Variants in MAP3K5 observed in about 807,000 individuals in gnomAD.
The protein encoded by MAP3K5 is ASK-1.
Under a neutral mutation model 158.7 loss-of-function variants are expected in MAP3K5, and 56 were observed. The observed-to-expected ratio is 0.35, with a 90% CI of 0.28 to 0.44. The LOEUF (loss-of-function observed/expected upper bound fraction) is 0.44. Among genes scored for constraint, MAP3K5 ranks in the 20% least tolerant of loss-of-function variants. The probability of loss-of-function intolerance (pLI) is 1.00; values close to 1 mark genes in which losing one functional copy is unlikely to be tolerated. For missense variants in MAP3K5, 1,294 were observed against 1,674.8 expected, an observed-to-expected ratio of 0.77 and a Z score of 3.97; for synonymous variants, 579 against 601.7, an observed-to-expected ratio of 0.96 and a Z score of 0.55.
chr6:136,601,769 T>C, intron 20 of MAP3K5, 33 bp downstream of exon 20: 4 of 1,600,230 alleles, frequency 2.5e-6, no homozygotes, highest in Non-Finnish European at 3.4e-6. Context: ...ATTGAAGGAC[T>C]CAGACTATAT....
At chr6:136,674,598 A>G (rs1779625547) in intron 7 of MAP3K5, among the ~76,000 whole-genome samples, 1 of 152,082 alleles carries the variant, frequency 6.6e-6, no homozygotes, top group Non-Finnish European at 1.5e-5. Flanking sequence ...TTATTGATAT[A>G]GCCCCAACTA....
At chr6:136,757,595 T>TA (rs1562679345) in intron 1 of MAP3K5, among the ~76,000 whole-genome samples, 11 of 148,224 alleles carry the variant, frequency 7.4e-5, no homozygotes, top group African/African-American at 2.0e-4. Flanking sequence ...TATTTTTTTT[T>TA]TTTTTTTTTG....
intron 9 of MAP3K5, among the ~76,000 whole-genome samples, chr6:136,658,911 A>G (rs1778884483): frequency 6.6e-6 from 1 of 152,216 alleles, no homozygotes; most frequent in Non-Finnish European, 1.5e-5. Context: ...CCCCGAACAT[A>G]AGTTATATTT....
intron 11 of MAP3K5, chr6:136,647,983 G>A (rs180944542): frequency 1.3e-5 from 2 of 152,080 alleles, no homozygotes; most frequent in African/African-American, 2.4e-5. Context: ...TGCTTTCCTC[G>A]GGTGTAGCAT....
intron 7 of MAP3K5, among the ~76,000 whole-genome samples, chr6:136,671,877 C>T (rs1344160574): frequency 3.3e-5 from 5 of 151,866 alleles, no homozygotes; most frequent in South Asian, 4.1e-4. Flanking sequence ...CCGCCCACCT[C>T]GGCCTCCCAA....
In MAP3K5 at chr6:136,642,489, T is replaced by A. The variant is rs138518913; in HGVS notation, c.1838+31A>T. On this transcript the variant is annotated intron_variant, in intron 12 of 29. Transcript: ENST00000359015. ...ATGAATAGTGGAGAAAAATGTCTTA[T>A]AAGTTAACAAAATGTACCAAGGAAA... 3.5e-4 allele frequency: 533 copies of A among 1,529,900 alleles called. 4 individuals carry two copies. The East Asian group carries it at 0.012, about 34-fold the overall frequency. The allele number at this position is 1,529,900 out of a possible 1,614,324, so 94.8% of individuals were successfully genotyped here.
In MAP3K5 at chr6:136,699,778, T is replaced by A. The variant is rs563431625; in HGVS notation, c.613-1096A>T. On this transcript the variant is annotated intron_variant, in intron 3 of 29. Coordinates refer to ENST00000359015, the MANE Select transcript of MAP3K5 (RefSeq NM_005923.4). ...GTACATTCTGGACAATGCAGAATCATAGAAGGATCCACAGCAGGAAAGAAA... is the reference window on the plus strand; with the variant it reads ...GTACATTCTGGACAATGCAGAATCAAAGAAGGATCCACAGCAGGAAAGAAA... Among the ~76,000 whole-genome samples the A allele has an allele frequency of 9.2e-5, 14 of 152,242 alleles. No individual in the cohort carries two copies. The East Asian group carries it at 2.7e-3, about 29-fold the overall frequency.
chr6:136,650,434 G>A (rs1381797320), intron 11 of MAP3K5, among the ~76,000 whole-genome samples: 1 of 152,224 alleles, frequency 6.6e-6, no homozygotes, highest in Non-Finnish European at 1.5e-5. Flanking sequence ...TGACTGCTAT[G>A]AGCGGAAGTG....
At chr6:136,642,986 T>C (rs1160526986) in intron 11 of MAP3K5, among the ~76,000 whole-genome samples, 5 of 152,326 alleles carry the variant, frequency 3.3e-5, no homozygotes, top group Non-Finnish European at 4.4e-5. Context: ...AGATAACTAT[T>C]TCTGAATTAT....
chr6:136,585,105 GTTTTT>G lies in MAP3K5; in HGVS notation c.3226-1370_3226-1366del, dbSNP rs201284954. The stretch of plus-strand genomic sequence containing the variant: ...TTTCTCAAAATGATTTTTTCTTTTT[GTTTTT>G]TTTTTTTTGTTTTTTTTTAAGAGAC... On this transcript the variant is annotated intron_variant, in intron 23 of 29. Coordinates refer to ENST00000359015, the MANE Select transcript of MAP3K5 (RefSeq NM_005923.4). 1.9e-3 allele frequency among the ~76,000 whole-genome samples: 203 copies of G among 104,956 alleles called. 5 individuals are homozygous for G. In the East Asian group the frequency reaches 0.057, roughly 30 times the overall value. 68.9% of individuals were successfully genotyped at this position (104,956 alleles called of 152,430 possible).
At chr6:136,657,235 C>A (rs1778792514) in intron 9 of MAP3K5, among the ~76,000 whole-genome samples, 1 of 151,936 alleles carries the variant, frequency 6.6e-6, no homozygotes, top group South Asian at 2.1e-4. Flanking sequence ...ACAGATGGTG[C>A]CTCAAAAGAA....
Position 136,609,919 on chromosome 6 carries a change from C to T in MAP3K5, c.2521+1363G>A, listed in dbSNP as rs995310937. On this transcript the variant is annotated intron_variant, in intron 18 of 29. Coordinates refer to ENST00000359015, the MANE Select transcript of MAP3K5 (RefSeq NM_005923.4). This position sits in a 1 kb window ranked among gnomAD's most constrained non-coding sequence, Gnocchi z 4.4. ...GACCAGCCTGGGCAACATAGCAAGACCCAGTCTCAAAACAAAAACAAAAAC... is the reference window on the plus strand; with the variant it reads ...GACCAGCCTGGGCAACATAGCAAGATCCAGTCTCAAAACAAAAACAAAAAC... 5.3e-5 allele frequency among the ~76,000 whole-genome samples: 8 copies of T among 151,304 alleles called. No individual in the cohort carries two copies. In the East Asian group the frequency reaches 1.4e-3, roughly 26 times the overall value.
chr6:136,674,293 G>T (rs1779609328), intron 7 of MAP3K5, among the ~76,000 whole-genome samples: 1 of 151,908 alleles, frequency 6.6e-6, no homozygotes, highest in Non-Finnish European at 1.5e-5. Flanking sequence ...GTAAATATGT[G>T]ACTAGATCTA....
At chr6:136,604,187 T>C (rs1211848896) in intron 19 of MAP3K5, among the ~76,000 whole-genome samples, 1 of 151,932 alleles carries the variant, frequency 6.6e-6, no homozygotes, top group African/African-American at 2.4e-5. Flanking sequence ...CTGGGTGTCA[T>C]GGTGTGTGCC....
At chr6:136,562,064 G>T (rs931560631) in intron 27 of MAP3K5, among the ~76,000 whole-genome samples, 1 of 152,010 alleles carries the variant, frequency 6.6e-6, no homozygotes, top group Non-Finnish European at 1.5e-5. Flanking sequence ...TCCTCTAAAT[G>T]GGCTAAATAA....
intron 1 of MAP3K5, among the ~76,000 whole-genome samples, chr6:136,725,877 T>C (rs1425939145): frequency 1.3e-5 from 2 of 152,262 alleles, no homozygotes; most frequent in African/African-American, 2.4e-5. Context: ...GTATATGGTG[T>C]GAGGCATGGG....
chr6:136,792,515 C>T (rs1233624351), upstream of MAP3K5: 3 of 365,004 alleles, frequency 8.2e-6, no homozygotes, highest in Non-Finnish European at 1.1e-5. This position sits in a 1 kb window ranked among gnomAD's most constrained non-coding sequence, Gnocchi z 5.7. Flanking sequence ...GGGCGCCGCG[C>T]TCGGGGTGCA....
intron 7 of MAP3K5, among the ~76,000 whole-genome samples, chr6:136,673,804 A>G (rs1779588032): frequency 6.6e-6 from 1 of 152,000 alleles, no homozygotes; most frequent in African/African-American, 2.4e-5. Flanking sequence ...GTATTACTGT[A>G]GCCCCAGAAA....
At chr6:136,593,759 T>C (rs920078147) in intron 21 of MAP3K5, 8 of 415,216 alleles carry the variant, frequency 1.9e-5, no homozygotes, top group Non-Finnish European at 3.3e-5. Context: ...AGAAACATCT[T>C]TATCAAACAC....
Sources: allele counts gnomAD v4.1 joint callset (sites outside exome capture counted in the v4.1 genomes callset), GRCh38; gene constraint gnomAD v4.1.1; non-coding constraint Gnocchi (gnomAD v3.1); transcripts MANE v1.5; gene names NCBI Gene and HGNC (gene_info 2026-07-23, HGNC 2026-07-21).